The following GFPT2 variants were observed in gnomAD, a reference collection of about 807,000 sequenced individuals.
The protein encoded by GFPT2 is glutamine--fructose-6-phosphate transaminase 2, also known as glutamine--fructose-6-phosphate aminotransferase [isomerizing] 2.
In GFPT2, 62 loss-of-function variants were observed where a neutral mutation model predicts 85.6. The ratio of observed to expected loss-of-function variants is 0.72; its 90% CI spans 0.59 to 0.90. The LOEUF (loss-of-function observed/expected upper bound fraction) is 0.90, where lower values mean the gene tolerates loss of function less well. Ranked by LOEUF, GFPT2 falls within the 40% of genes least tolerant of loss-of-function variation. The probability of loss-of-function intolerance (pLI) is 0.00; values close to 1 mark genes in which losing one functional copy is unlikely to be tolerated. For missense variants in GFPT2, 788 were observed against 893.4 expected (o/e 0.88, Z 1.50); for synonymous variants, 368 against 344.5 (o/e 1.07, Z -0.75).
chr5:180,319,910 T>TACAC (rs374231266), intron 9 of GFPT2, among the ~76,000 whole-genome samples: 5 of 151,576 alleles, frequency 3.3e-5, no homozygotes, highest in East Asian at 1.9e-4. Context: ...CCTAGTTTCT[T>TACAC]ACACACACAC....
chr5:180,325,127 C>CA (rs918686729), intron 7 of GFPT2, among the ~76,000 whole-genome samples: 1 of 152,200 alleles, frequency 6.6e-6, no homozygotes, highest in Non-Finnish European at 1.5e-5. Flanking sequence ...TAACCTGTCT[C>CA]ACTCCCACCC....
intron 1 of GFPT2, among the ~76,000 whole-genome samples, chr5:180,341,638 G>A (rs1046607414): frequency 1.8e-4 from 28 of 152,242 alleles, no homozygotes; most frequent in Middle Eastern, 3.4e-3. Context: ...TATGCTTTCT[G>A]AGCAGTTACA....
intron 4 of GFPT2, among the ~76,000 whole-genome samples, chr5:180,332,965 T>C (rs1764332098): frequency 6.6e-6 from 1 of 152,218 alleles, no homozygotes; most frequent in South Asian, 2.1e-4. Context: ...CTCACCATGA[T>C]TTCCTCTATT....
In GFPT2 at chr5:180,300,824, A is replaced by G. The variant is rs377066940; in HGVS notation, c.*740T>C. 4 of 152,794 alleles carry G rather than the reference A, an allele frequency of 2.6e-5. No homozygotes were observed. The East Asian group carries it at 7.7e-4, about 29-fold the overall frequency. The allele number at this position is 152,794 out of a possible 1,614,324, so 9.5% of individuals were successfully genotyped here. On this transcript the variant is annotated 3_prime_UTR_variant, in exon 19 of 19. Transcript: ENST00000253778. Reference sequence around the variant, plus strand: ...ATGGGATATTTCAAGCTGTTTTACTATGGGCAAGGAGCAGGGACCAAAATG... The same window carrying G: ...ATGGGATATTTCAAGCTGTTTTACTGTGGGCAAGGAGCAGGGACCAAAATG...
intron 4 of GFPT2, among the ~76,000 whole-genome samples, chr5:180,333,696 T>C (rs1764349692): frequency 2.0e-5 from 3 of 152,228 alleles, no homozygotes. Flanking sequence ...CAGACTTCCT[T>C]AAAAGCATGC....
At chr5:180,339,334 C>T (rs1201998690) in intron 1 of GFPT2, among the ~76,000 whole-genome samples, 2 of 142,122 alleles carry the variant, frequency 1.4e-5, no homozygotes, top group African/African-American at 2.7e-5. Flanking sequence ...GAGCCGAGAT[C>T]GTGCCACAGC....
At chr5:180,311,506 C>T (rs988597282) in intron 15 of GFPT2, among the ~76,000 whole-genome samples, 4 of 152,164 alleles carry the variant, frequency 2.6e-5, no homozygotes, top group East Asian at 1.9e-4. Flanking sequence ...GCCCAGCAAA[C>T]GGGGAAAGTG....
chr5:180,352,306 G>A (rs1408871668), intron 1 of GFPT2: 2 of 403,796 alleles, frequency 5.0e-6, no homozygotes, highest in Non-Finnish European at 9.5e-6. Context: ...CCAGCCACAG[G>A]AGGCTGGAAT....
chr5:180,335,999 C>G lies in GFPT2; in HGVS notation c.215-46G>C, dbSNP rs781414033. On this transcript the variant is annotated intron_variant, in intron 3 of 18. Transcript: ENST00000253778. ...TTTGCCGCACTTGAACAACAAGCCT[C>G]GACCCAGGACTGTGAGTGCAACCTG... 3.3e-6 allele frequency: 5 copies of G among 1,516,176 alleles called. No homozygotes were observed. In the Admixed American group the frequency reaches 7.2e-5, roughly 22 times the overall value. The allele number at this position is 1,516,176 out of a possible 1,614,324, so 93.9% of individuals were successfully genotyped here.
In GFPT2 at chr5:180,353,318, G is replaced by A. The variant is rs1159974395; in HGVS notation, c.-101C>T. On this transcript the variant is annotated 5_prime_UTR_variant, in exon 1 of 19. Transcript: ENST00000253778. ...CTCCGTGGGCTCCGTGGGCTCCGTG[G>A]GCTCCGCGGGCTCCAGCTCCCGTCC... 2.0e-5 allele frequency: 18 copies of A among 890,922 alleles called. No individual in the cohort carries two copies. Among genetic ancestry groups the A allele is most frequent in the Middle Eastern group, 3.4e-4 (1 of 2,902 alleles). 55.2% of individuals were successfully genotyped at this position (890,922 alleles called of 1,614,324 possible). A position where few individuals can be genotyped will look rare whatever the true frequency, so the allele number is the denominator to read the frequency against.
Position 180,316,807 on chromosome 5 carries a change from A to G in GFPT2, c.1109T>C (p.Leu370Pro), listed in dbSNP as rs776090005. ...GCTGGTTCCACAGCCAATCACGATGAGCCGTCGGCATCGTCGAATCTCCTT... is the reference window on the plus strand; with the variant it reads ...GCTGGTTCCACAGCCAATCACGATGGGCCGTCGGCATCGTCGAATCTCCTT... ...HLKEIRRCRR[L>P]IVIGCGTSYH... is the part of the protein sequence containing the mutation. Residue 370 changes from leucine (L) to proline (P), a missense_variant, in exon 12 of 19, where the codon CTC becomes CCC. By Grantham distance (98) the Leu-to-Pro change is moderately conservative (BLOSUM62 -3). Coordinates refer to ENST00000253778, the MANE Select transcript of GFPT2 (RefSeq NM_005110.4). 1 of 1,614,086 alleles carries G rather than the reference A, an allele frequency of 6.2e-7. No individual in the cohort carries two copies. Among genetic ancestry groups the G allele is most frequent in the East Asian group, 2.2e-5 (1 of 44,880 alleles).
chr5:180,314,073 C>G (rs1763956053), intron 13 of GFPT2, 109 bp from the exon 14 acceptor site: 1 of 1,105,086 alleles, frequency 9.0e-7, no homozygotes, highest in African/African-American at 1.6e-5. Flanking sequence ...GCCCGAGACA[C>G]AGCCAGCGGG....
At chr5:180,315,241 G>T (rs960204642) in intron 13 of GFPT2, among the ~76,000 whole-genome samples, 2 of 151,212 alleles carry the variant, frequency 1.3e-5, no homozygotes, top group Non-Finnish European at 2.9e-5. Context: ...GCAGTGGCGC[G>T]ATCTCAGCTC....
chr5:180,328,320 C>G lies in GFPT2; in HGVS notation c.553G>C (p.Val185Leu). The G allele has an allele frequency of 6.2e-7, 1 of 1,613,504 alleles. No homozygotes were observed. ...CCTGGGTAGTGGACACTCTTGAAAA[C>G]CAGCGCGAATGCACCTTCCTGAAAA... ...IQQLEGAFAL[V>L]FKSVHYPGEA... The change falls in exon 7 of 19, where the codon GTT (valine) becomes CTT (leucine). Residue 185 changes from valine to leucine, a missense_variant. Val to Leu is a conservative substitution (Grantham distance 32, BLOSUM62 1). Transcript: ENST00000253778. This position sits in a 1 kb window ranked among gnomAD's most constrained non-coding sequence, Gnocchi z 5.4.
At chr5:180,348,172 A>G (rs1157193919) in intron 1 of GFPT2, among the ~76,000 whole-genome samples, 3 of 152,234 alleles carry the variant, frequency 2.0e-5, no homozygotes, top group Non-Finnish European at 2.9e-5. Context: ...GAGATTAGGT[A>G]TCATCCCAGG....
At chr5:180,333,607 T>C (rs1424113946) in intron 4 of GFPT2, among the ~76,000 whole-genome samples, 1 of 152,226 alleles carries the variant, frequency 6.6e-6, no homozygotes, top group Non-Finnish European at 1.5e-5. Context: ...GATCCTATCA[T>C]TAATTTGTTT....
intron 5 of GFPT2, 81 bp downstream of exon 5, chr5:180,331,414 G>A (rs1764297868): frequency 7.1e-6 from 6 of 842,464 alleles, no homozygotes; most frequent in Admixed American, 5.7e-5. Flanking sequence ...ACTGGTTTCC[G>A]CAAGGAAATG....
At chr5:180,338,653 G>A in intron 1 of GFPT2, 53 bp from the exon 2 acceptor site, 1 of 1,109,906 alleles carries the variant, frequency 9.0e-7, no homozygotes, top group South Asian at 1.3e-5. Context: ...CTCGTGTTTG[G>A]AAGAAAACGC....
At chr5:180,341,258 G>C (rs962930336) in intron 1 of GFPT2, among the ~76,000 whole-genome samples, 4 of 152,200 alleles carry the variant, frequency 2.6e-5, no homozygotes, top group Admixed American at 6.5e-5. Context: ...TGAGAGAAAG[G>C]TCTGATCAGG....
Sources: gnomAD v4.1 joint callset for allele counts (sites outside exome capture counted in the v4.1 genomes callset) on GRCh38, gnomAD v4.1.1 for gene constraint, Gnocchi (gnomAD v3.1) non-coding constraint, MANE v1.5 for transcripts, NCBI Gene and HGNC (gene_info 2026-07-23, HGNC 2026-07-21) for gene names.